GRID2: variants seen among roughly 807,000 people sequenced by gnomAD.
GRID2 encodes the protein glutamate receptor ionotropic, delta-2.
A neutral mutation model predicts 114.8 loss-of-function variants in GRID2; 33 were observed. That is an observed-to-expected ratio of 0.29 (90% CI 0.22 to 0.38). The LOEUF (loss-of-function observed/expected upper bound fraction) is 0.38. Among genes scored for constraint, GRID2 ranks in the 10% least tolerant of loss-of-function variants. The pLI is 1.00. For synonymous variants in GRID2, 505 were observed against 449.9 expected (o/e 1.12, Z -1.55); for missense variants, 1,184 against 1,257.7 (o/e 0.94, Z 0.89).
intron 2 of GRID2, among the ~76,000 whole-genome samples, chr4:92,658,779 A>G (rs1047038799): frequency 1.6e-5 from 2 of 125,004 alleles, no homozygotes; most frequent in Non-Finnish European, 3.4e-5. Context: ...GTTTGCATGT[A>G]TGTGTGTGTG....
At position 92,430,702 on chromosome 4, in the gene GRID2, G is replaced by A. The variant is rs12512135; in HGVS notation, c.88+125958G>A. Among the ~76,000 whole-genome samples the A allele has an allele frequency of 6.3e-3, 960 of 152,138 alleles. 25 individuals are homozygous for A. Among genetic ancestry groups the A allele is most frequent in the Admixed American group, 0.053 (816 of 15,274 alleles). On this transcript the variant is annotated intron_variant, in intron 1 of 15. Coordinates refer to ENST00000282020, the MANE Select transcript of GRID2 (RefSeq NM_001510.4). ...ATATATGGATTAGTTTGGGTAGTAT[G>A]GACTTTTAAACAATATTGATACTTC...
intron 1 of GRID2, among the ~76,000 whole-genome samples, chr4:92,549,365 T>C (rs1040815447): frequency 6.6e-6 from 1 of 152,168 alleles, no homozygotes; most frequent in Non-Finnish European, 1.5e-5. Flanking sequence ...CATGTCACCA[T>C]GTTGTATTCA....
chr4:93,354,021 A>ATGCG (rs968209235), intron 8 of GRID2, among the ~76,000 whole-genome samples: 7 of 135,506 alleles, frequency 5.2e-5, no homozygotes, highest in South Asian at 4.7e-4. Flanking sequence ...AAGCACACAC[A>ATGCG]TGCACACACA....
At chr4:92,428,727 A>G (rs1165533694) in intron 1 of GRID2, among the ~76,000 whole-genome samples, 2 of 152,140 alleles carry the variant, frequency 1.3e-5, no homozygotes, top group Admixed American at 1.3e-4. Context: ...TAAGACCTAC[A>G]TTTCCTATCT....
At chr4:92,384,615 GTTAT>G (rs1270743810) in intron 1 of GRID2, among the ~76,000 whole-genome samples, 9 of 50,736 alleles carry the variant, frequency 1.8e-4, no homozygotes, top group African/African-American at 6.4e-4. Flanking sequence ...TATAATATAT[GTTAT>G]ATATTATATA....
intron 2 of GRID2, among the ~76,000 whole-genome samples, chr4:92,877,356 C>T (rs1240220542): frequency 6.6e-6 from 1 of 152,140 alleles, no homozygotes; most frequent in Non-Finnish European, 1.5e-5. Context: ...ATTGTTTTTT[C>T]TCTAAAGACA....
At chr4:93,074,483 A>T (rs529158049) in intron 2 of GRID2, among the ~76,000 whole-genome samples, 1 of 152,310 alleles carries the variant, frequency 6.6e-6, no homozygotes, top group Admixed American at 6.5e-5. Flanking sequence ...ATTCAGCAGA[A>T]AGAAGGTAAA....
Position 92,652,944 on chromosome 4 carries a change from ATT to A in GRID2, c.244+62660_244+62661del, listed in dbSNP as rs1224218601. On this transcript the variant is annotated intron_variant, in intron 2 of 15. Coordinates refer to ENST00000282020, the MANE Select transcript of GRID2 (RefSeq NM_001510.4). ...TACATATAAATATATATAAACATAT[ATT>A]TATAAATATATATAAACATATTTAT... Among the ~76,000 whole-genome samples, 7 of 128,158 alleles carry A rather than the reference ATT, an allele frequency of 5.5e-5. No homozygotes were observed. The East Asian group carries it at 8.3e-4, about 15-fold the overall frequency. 84.1% of individuals were successfully genotyped at this position (128,158 alleles called of 152,430 possible). A position where few individuals can be genotyped will look rare whatever the true frequency, so the allele number is the denominator to read the frequency against.
intron 1 of GRID2, among the ~76,000 whole-genome samples, chr4:92,362,220 A>G (rs766297403): frequency 4.6e-5 from 7 of 151,988 alleles, no homozygotes; most frequent in Non-Finnish European, 7.4e-5. Context: ...GGGCTGTACT[A>G]TGAATAATTC....
chr4:92,464,945 C>T (rs1001487592), intron 1 of GRID2, among the ~76,000 whole-genome samples: 19 of 152,008 alleles, frequency 1.2e-4, no homozygotes, highest in Admixed American at 3.3e-4. Context: ...AATAAGTTCT[C>T]AGGAGATCTG....
chr4:92,639,417 G>A (rs1197227688), intron 2 of GRID2, among the ~76,000 whole-genome samples: 1 of 151,658 alleles, frequency 6.6e-6, no homozygotes, highest in Non-Finnish European at 1.5e-5. Flanking sequence ...CTTGCTTAAG[G>A]AACTGATTGG....
chr4:92,352,986 C>T (rs996207909), intron 1 of GRID2, among the ~76,000 whole-genome samples: 17 of 151,510 alleles, frequency 1.1e-4, no homozygotes, highest in Non-Finnish European at 2.4e-4. Flanking sequence ...CTTTCTCTTT[C>T]TCTTCTTCTG....
intron 1 of GRID2, among the ~76,000 whole-genome samples, chr4:92,491,718 A>T (rs375589002): frequency 3.5e-4 from 54 of 152,150 alleles, no homozygotes; most frequent in African/African-American, 1.3e-3. Context: ...TGATGTCAAC[A>T]GAATAAAGTA....
At chr4:93,074,644 A>G (rs1729098590) in intron 2 of GRID2, among the ~76,000 whole-genome samples, 1 of 152,184 alleles carries the variant, frequency 6.6e-6, no homozygotes, top group Non-Finnish European at 1.5e-5. Context: ...TGTGAAGATC[A>G]GAGCCGAAAT....
At chr4:93,021,903 T>G (rs1723399309) in intron 2 of GRID2, among the ~76,000 whole-genome samples, 1 of 149,894 alleles carries the variant, frequency 6.7e-6, no homozygotes, top group South Asian at 2.1e-4. Context: ...AAACCAAAGC[T>G]TTTATAGCTT....
At chr4:93,073,546 T>G (rs1728997239) in intron 2 of GRID2, among the ~76,000 whole-genome samples, 1 of 152,134 alleles carries the variant, frequency 6.6e-6, no homozygotes, top group Non-Finnish European at 1.5e-5. Flanking sequence ...TAGGTGGATT[T>G]TTTACTGTGG....
At chr4:92,712,850 T>C (rs920482616) in intron 2 of GRID2, among the ~76,000 whole-genome samples, 2 of 152,174 alleles carry the variant, frequency 1.3e-5, no homozygotes, top group Admixed American at 6.5e-5. Context: ...CCCTTGAATA[T>C]TAAAAATAAA....
intron 2 of GRID2, among the ~76,000 whole-genome samples, chr4:92,853,705 G>T (rs1191169153): frequency 1.3e-5 from 2 of 151,910 alleles, no homozygotes; most frequent in Non-Finnish European, 2.9e-5. Context: ...GGCTTAAAGA[G>T]CATATAAGTC....
rs1426385860 is a variant in GRID2 at position 93,593,230 on chromosome 4, G to A, written c.2194-33039G>A. ...TCCATGTTTAGCGCTTCCTTCAGGA[G>A]CTCTTTTAGGGCAGGCCTGGTGGTG... On this transcript the variant is annotated intron_variant, in intron 13 of 15. Coordinates refer to ENST00000282020, the MANE Select transcript of GRID2 (RefSeq NM_001510.4). Among the ~76,000 whole-genome samples, 12 of 146,456 alleles carry A rather than the reference G, an allele frequency of 8.2e-5. No individual in the cohort carries two copies. The East Asian group carries it at 2.2e-3, about 26-fold the overall frequency.
Sources: gnomAD v4.1 joint callset for allele counts (sites outside exome capture counted in the v4.1 genomes callset) on GRCh38, gnomAD v4.1.1 for gene constraint, MANE v1.5 for transcripts, NCBI Gene and HGNC (gene_info 2026-07-23, HGNC 2026-07-21) for gene names.